The following ITPRID1 variants were observed in gnomAD, a reference collection of about 807,000 sequenced individuals.
The protein encoded by ITPRID1 is protein ITPRID1.
ITPRID1 carries 96 observed loss-of-function variants against 95.4 expected under a neutral mutation model. That is an observed-to-expected ratio of 1.01 (90% CI 0.85 to 1.19). The LOEUF (loss-of-function observed/expected upper bound fraction) is 1.19. ITPRID1 is among the 50% of genes most tolerant of loss of function. The pLI is 0.00. For synonymous variants in ITPRID1, 510 were observed against 453.6 expected (o/e 1.12, Z -1.58); for missense variants, 1,339 against 1,252.9 (o/e 1.07, Z -1.04).
At chr7:31,595,392 A>G (rs1248209879) in intron 10 of ITPRID1, among the ~76,000 whole-genome samples, 1 of 150,466 alleles carries the variant, frequency 6.6e-6, no homozygotes, top group Non-Finnish European at 1.5e-5. Flanking sequence ...CCACATTTTT[A>G]TAGATATAAA....
chr7:31,530,827 T>C (rs904893229), intron 1 of ITPRID1, among the ~76,000 whole-genome samples: 3 of 100,220 alleles, frequency 3.0e-5, no homozygotes, highest in Non-Finnish European at 7.8e-5. Context: ...TGTTAACACA[T>C]GAGTTAATCA....
At chr7:31,549,536 C>T in intron 2 of ITPRID1, 37 bp downstream of exon 2, 1 of 1,421,328 alleles carries the variant, frequency 7.0e-7, no homozygotes, top group Non-Finnish European at 9.5e-7. Context: ...TAAATTTTCC[C>T]AAAAACTCCA....
At chr7:31,622,338 A>G (rs534948394) in intron 10 of ITPRID1, among the ~76,000 whole-genome samples, 40 of 152,164 alleles carry the variant, frequency 2.6e-4, no homozygotes, top group Non-Finnish European at 5.0e-4. Flanking sequence ...CTATTCAAAA[A>G]TTGACCAGAT....
chr7:31,557,740 G>A lies in ITPRID1; in HGVS notation c.256+2839G>A, dbSNP rs550774915. On this transcript the variant is annotated intron_variant, in intron 5 of 14. Transcript: ENST00000615280. Reference sequence around the variant, plus strand: ...GTAAATATTACGTGGAGGAAAATGAGGCTCAGAAAGGTAAAGTAACTTGAC... The same window carrying A: ...GTAAATATTACGTGGAGGAAAATGAAGCTCAGAAAGGTAAAGTAACTTGAC... Among the ~76,000 whole-genome samples, 5 of 152,232 alleles carry A rather than the reference G, an allele frequency of 3.3e-5. No individual in the cohort carries two copies. In the East Asian group the frequency reaches 9.7e-4, roughly 29 times the overall value.
At chr7:31,521,335 T>G (rs1286884854) in intron 1 of ITPRID1, among the ~76,000 whole-genome samples, 1 of 152,194 alleles carries the variant, frequency 6.6e-6, no homozygotes, top group African/African-American at 2.4e-5. Context: ...ACACATGTTA[T>G]TTAGTAGTGC....
At chr7:31,597,831 T>A (rs1265283154) in intron 10 of ITPRID1, among the ~76,000 whole-genome samples, 1 of 152,134 alleles carries the variant, frequency 6.6e-6, no homozygotes, top group African/African-American at 2.4e-5. Flanking sequence ...CTAAGACTAT[T>A]ATAAAGATCA....
chr7:31,631,765 A>G (rs1180347370), intron 10 of ITPRID1, among the ~76,000 whole-genome samples: 1 of 152,212 alleles, frequency 6.6e-6, no homozygotes, highest in African/African-American at 2.4e-5. Flanking sequence ...GAAGTAATTC[A>G]AATGTTACGT....
chr7:31,579,870 GAAGAAAAAAGCAT>G (rs1785331444), intron 9 of ITPRID1, among the ~76,000 whole-genome samples: 1 of 151,872 alleles, frequency 6.6e-6, no homozygotes, highest in African/African-American at 2.4e-5. Flanking sequence ...ATAATAAAAG[GAAGAAAAAAGCAT>G]ACCTTTGGTC....
At chr7:31,517,146 G>T (rs1783070837) in intron 1 of ITPRID1, among the ~76,000 whole-genome samples, 1 of 152,174 alleles carries the variant, frequency 6.6e-6, no homozygotes. Flanking sequence ...TTTGGTTCGG[G>T]TGGCCTGCTT....
At position 31,651,937 on chromosome 7, in the gene ITPRID1, A is replaced by T; in HGVS notation, c.2712-2A>T. 6.3e-7 allele frequency: 1 copy of T among 1,584,980 alleles called. No individual in the cohort carries two copies. Among genetic ancestry groups the T allele is most frequent in the Non-Finnish European group, 8.6e-7 (1 of 1,164,646 alleles). ...TGGTTATTTTCTATTATTTACTTGC[A>T]GGGAGGAGGCCGAGCAACTGCAAAC... On this transcript the variant is annotated splice_acceptor_variant, in intron 13 of 14. Coordinates refer to ENST00000615280, the MANE Select transcript of ITPRID1 (RefSeq NM_001257967.3). LOFTEE classifies it high-confidence loss of function.
intron 2 of ITPRID1, among the ~76,000 whole-genome samples, chr7:31,549,701 T>C (rs1001255481): frequency 6.6e-6 from 1 of 152,118 alleles, no homozygotes; most frequent in East Asian, 1.9e-4. Context: ...AGACAAGAAC[T>C]AAGAAAGCTG....
At chr7:31,608,049 T>C (rs1047038961) in intron 10 of ITPRID1, among the ~76,000 whole-genome samples, 1 of 152,080 alleles carries the variant, frequency 6.6e-6, no homozygotes, top group African/African-American at 2.4e-5. Context: ...TTTATGTATG[T>C]ATCTGTAAAG....
chr7:31,614,263 C>T (rs958397156), intron 10 of ITPRID1, among the ~76,000 whole-genome samples: 1 of 152,110 alleles, frequency 6.6e-6, no homozygotes, highest in Admixed American at 6.5e-5. Flanking sequence ...TTCATAAATG[C>T]TTTCCAATAA....
intron 1 of ITPRID1, among the ~76,000 whole-genome samples, chr7:31,542,908 T>G (rs1437728430): frequency 6.6e-6 from 1 of 152,196 alleles, no homozygotes; most frequent in East Asian, 1.9e-4. Flanking sequence ...CCACAGCTTT[T>G]ACTTTTTCCT....
chr7:31,563,864 G>C (rs894546472), intron 5 of ITPRID1, among the ~76,000 whole-genome samples: 3 of 152,182 alleles, frequency 2.0e-5, no homozygotes, highest in Non-Finnish European at 4.4e-5. Flanking sequence ...TTTTGAGCAT[G>C]AATGTCAGCA....
chr7:31,523,168 C>G (rs6979379), intron 1 of ITPRID1, among the ~76,000 whole-genome samples: 1 of 151,946 alleles, frequency 6.6e-6, no homozygotes, highest in Non-Finnish European at 1.5e-5. Context: ...TTCTTTAAGA[C>G]GACAAGAAGG....
At chr7:31,581,239 T>C (rs969061468) in intron 9 of ITPRID1, among the ~76,000 whole-genome samples, 4 of 152,196 alleles carry the variant, frequency 2.6e-5, no homozygotes, top group African/African-American at 9.7e-5. Context: ...CCAATGATGC[T>C]TTCCCTAAAG....
intron 10 of ITPRID1, among the ~76,000 whole-genome samples, chr7:31,618,637 G>T (rs1007086617): frequency 2.0e-5 from 3 of 152,158 alleles, no homozygotes; most frequent in Non-Finnish European, 4.4e-5. Context: ...CATTAATGGG[G>T]TCACAATGTA....
intron 10 of ITPRID1, among the ~76,000 whole-genome samples, chr7:31,617,237 C>T (rs953505524): frequency 6.6e-6 from 1 of 151,902 alleles, no homozygotes; most frequent in Non-Finnish European, 1.5e-5. Context: ...AGACACTGTT[C>T]TAATTAGAAT....
Sources: allele counts gnomAD v4.1 joint callset (sites outside exome capture counted in the v4.1 genomes callset), GRCh38; gene constraint gnomAD v4.1.1; transcripts MANE v1.5; gene names NCBI Gene and HGNC (gene_info 2026-07-23, HGNC 2026-07-21).